The following MYCBP2 variants were observed in gnomAD, a reference collection of about 807,000 sequenced individuals.
MYCBP2 encodes the protein E3 ubiquitin-protein ligase MYCBP2.
A neutral mutation model predicts 525.3 loss-of-function variants in MYCBP2; 120 were observed. The observed-to-expected ratio is 0.23, with a 90% confidence interval of 0.20 to 0.27. The LOEUF (loss-of-function observed/expected upper bound fraction) is 0.27, where lower values mean the gene tolerates loss of function less well. Among genes scored for constraint, MYCBP2 ranks in the 10% least tolerant of loss-of-function variants. The pLI, the probability that MYCBP2 is intolerant of heterozygous loss-of-function variation, is 1.00. For missense variants in MYCBP2, 4,149 were observed against 5,657.1 expected (o/e 0.73, Z 8.55); for synonymous variants, 1,894 against 1,955.8 (o/e 0.97, Z 0.83).
chr13:77,326,839 G>GCA lies in MYCBP2; in HGVS notation c.-66_-65dup. ...GGGCCGGGCGGGCAGACACGCGCGC[G>GCA]CACACACAGCCCTTTTCCAACGACG... On this transcript the variant is annotated 5_prime_UTR_variant, in exon 1 of 83. Transcript: ENST00000544440. The surrounding 1 kb of genome is among the most constrained non-coding windows in gnomAD (Gnocchi z 4.2). 1 of 1,352,928 alleles carries GCA rather than the reference G, an allele frequency of 7.4e-7. No individual in the cohort carries two copies. The highest frequency in any genetic ancestry group is 9.4e-7 in the Non-Finnish European group (1 of 1,058,930). The allele number at this position is 1,352,928 out of a possible 1,614,324, so 83.8% of individuals were successfully genotyped here.
At chr13:77,232,616 G>A (rs17067330) in intron 18 of MYCBP2, among the ~76,000 whole-genome samples, 4,054 of 152,204 alleles carry the variant, frequency 0.027, 196 homozygotes, top group African/African-American at 0.091. Flanking sequence ...CATGATTCGT[G>A]CTTTGCTTGC....
At chr13:77,246,994 A>G (rs1212628367) in intron 15 of MYCBP2, among the ~76,000 whole-genome samples, 1 of 152,164 alleles carries the variant, frequency 6.6e-6, no homozygotes, top group Non-Finnish European at 1.5e-5. Context: ...CATATGAAAA[A>G]CACACAGTGA....
At chr13:77,057,834 CTTTTTTTTTT>C (rs11419165) in intron 78 of MYCBP2, among the ~76,000 whole-genome samples, 2 of 121,110 alleles carry the variant, frequency 1.7e-5, no homozygotes, top group African/African-American at 3.4e-5. Context: ...CAATCAACTG[CTTTTTTTTTT>C]TTTTTTTTTT....
In MYCBP2 at chr13:77,081,477, T is replaced by C. The variant is rs2043303435; in HGVS notation, c.11368A>G (p.Ile3790Val). Residue 3790 changes from isoleucine to valine, a missense_variant, in exon 65 of 83, where the codon ATC becomes GTC. Transcript: ENST00000544440. This position sits in a 1 kb window ranked among gnomAD's most constrained non-coding sequence, Gnocchi z 4.6. ...TGAACAGACACATAGCGGGCATTGA[T>C]TCCTTTTACACAGTTGATGGTGATG... ...KNITINCVKG[I>V]NARYVSVHVD... is the part of the protein sequence containing the mutation. 2 of 1,612,814 alleles carry C rather than the reference T, an allele frequency of 1.2e-6. No homozygotes were observed. Among genetic ancestry groups the C allele is most frequent in the African/African-American group, 2.7e-5 (2 of 74,900 alleles).
In MYCBP2 at chr13:77,123,295, C is replaced by T. The variant is rs139472835; in HGVS notation, c.8018-1800G>A. Among the ~76,000 whole-genome samples, 157 of 152,190 alleles carry T rather than the reference C, an allele frequency of 1.0e-3. 1 individual carries two copies. The highest frequency in any genetic ancestry group is 3.4e-3 in the Middle Eastern group (1 of 294). ...TAAGATTCACATGATCACCAAATAT[C>T]CATATTTATGTCTGTATCTATACAT... On this transcript the variant is annotated intron_variant, in intron 54 of 82. Coordinates refer to ENST00000544440, the MANE Select transcript of MYCBP2 (RefSeq NM_015057.5).
intron 38 of MYCBP2, 72 bp from the exon 39 acceptor site, chr13:77,169,786 CTA>C: frequency 1.6e-6 from 2 of 1,268,020 alleles, no homozygotes; most frequent in Non-Finnish European, 2.3e-6. Context: ...ACATGCTGTA[CTA>C]AATCTATATT....
chr13:77,142,096 CTCTA>C (rs1204984209), intron 49 of MYCBP2, among the ~76,000 whole-genome samples: 1 of 152,116 alleles, frequency 6.6e-6, no homozygotes, highest in African/African-American at 2.4e-5. Context: ...ATGAAAAAAA[CTCTA>C]TCTACTGAAA....
At chr13:77,213,262 G>T (rs2064294154) in intron 21 of MYCBP2, among the ~76,000 whole-genome samples, 1 of 152,148 alleles carries the variant, frequency 6.6e-6, no homozygotes, top group South Asian at 2.1e-4. Context: ...ATCACCTGAG[G>T]TCAGGTGTTT....
At chr13:77,262,524 C>T (rs1164773073) in intron 10 of MYCBP2, among the ~76,000 whole-genome samples, 3 of 151,980 alleles carry the variant, frequency 2.0e-5, no homozygotes, top group Non-Finnish European at 4.4e-5. Context: ...ACTTGGTTTA[C>T]AAATAAGCAT....
At chr13:77,105,222 T>C (rs982014566) in intron 55 of MYCBP2, among the ~76,000 whole-genome samples, 14 of 152,108 alleles carry the variant, frequency 9.2e-5, no homozygotes, top group South Asian at 4.1e-4. Flanking sequence ...ACCATCTTAA[T>C]TGGAAGCACA....
At position 77,061,000 on chromosome 13, in the gene MYCBP2, T is replaced by C. The variant is rs566568306; in HGVS notation, c.13036+169A>G. Among the ~76,000 whole-genome samples the C allele has an allele frequency of 2.0e-5, 3 of 152,338 alleles. No homozygotes were observed. In the South Asian group the frequency reaches 6.2e-4, roughly 32 times the overall value. On this transcript the variant is annotated intron_variant, in intron 76 of 82. Transcript: ENST00000544440. ...TCAGGTTTCTTGACTTTTGGTCTAATGCTCTCTTCACCATAGAACACTCTA... is the reference window on the plus strand; with the variant it reads ...TCAGGTTTCTTGACTTTTGGTCTAACGCTCTCTTCACCATAGAACACTCTA...
At chr13:77,265,230 A>G (rs1412682567) in intron 8 of MYCBP2, among the ~76,000 whole-genome samples, 1 of 152,126 alleles carries the variant, frequency 6.6e-6, no homozygotes, top group African/African-American at 2.4e-5. Context: ...AATCAAAAGA[A>G]AGAGTTCCTA....
chr13:77,190,395 T>C, intron 28 of MYCBP2, 60 bp from the exon 29 acceptor site: 1 of 990,640 alleles, frequency 1.0e-6, no homozygotes, highest in Non-Finnish European at 1.5e-6. Context: ...ATAAGAAATT[T>C]AAGAAACATG....
In MYCBP2 at chr13:77,262,056, TC is replaced by T. The variant is rs1242064157; in HGVS notation, c.1643del (p.Gly548GlufsTer35). The T allele has an allele frequency of 6.2e-7, 1 of 1,610,016 alleles. No homozygotes were observed. On this transcript the variant is annotated frameshift_variant, in exon 11 of 83. Transcript: ENST00000544440. LOFTEE classifies it high-confidence loss of function. Reference sequence around the variant, plus strand: ...TAATCCAAAGAGAATAATTTACCTTTCCATTTGCTGTTTTCATTAGCGCAAA... The same window carrying T: ...TAATCCAAAGAGAATAATTTACCTTTCATTTGCTGTTTTCATTAGCGCAAA... ...REFALMKTAN[G>X]KIYYTGKYQS... is the part of the protein sequence containing the mutation.
intron 7 of MYCBP2, among the ~76,000 whole-genome samples, chr13:77,269,234 T>C (rs9600848): frequency 0.04 from 6,122 of 152,318 alleles, 428 homozygotes; most frequent in African/African-American, 0.14. Context: ...GTCTACTGAG[T>C]AGGCCAAACA....
chr13:77,277,317 A>G (rs937454474), intron 4 of MYCBP2, among the ~76,000 whole-genome samples: 1 of 152,198 alleles, frequency 6.6e-6, no homozygotes, highest in Non-Finnish European at 1.5e-5. Context: ...CAATATTAAT[A>G]TGATCACTGG....
chr13:77,092,380 A>G (rs987142030), intron 59 of MYCBP2: 2 of 152,072 alleles, frequency 1.3e-5, no homozygotes, highest in African/African-American at 4.8e-5. Context: ...CAGCTTCTCA[A>G]TTGTCACTGT....
intron 50 of MYCBP2, 133 bp downstream of exon 50, chr13:77,140,713 A>C: frequency 1.4e-6 from 1 of 733,580 alleles, no homozygotes. Context: ...CTACTCTCTA[A>C]ATTTATTTAG....
chr13:77,163,098 A>T (rs773434273), intron 43 of MYCBP2, among the ~76,000 whole-genome samples: 1 of 152,196 alleles, frequency 6.6e-6, no homozygotes, highest in Non-Finnish European at 1.5e-5. Context: ...CTATGCCATT[A>T]CTTATTTAAC....
Sources: allele counts gnomAD v4.1 joint callset (sites outside exome capture counted in the v4.1 genomes callset), GRCh38; gene constraint gnomAD v4.1.1; non-coding constraint Gnocchi (gnomAD v3.1); transcripts MANE v1.5; gene names NCBI Gene and HGNC (gene_info 2026-07-23, HGNC 2026-07-21).